The following HMGB1 variants were observed in gnomAD, a reference collection of about 807,000 sequenced individuals.
HMGB1 encodes the protein high mobility group box 1, also known as high mobility group protein B1.
For missense variants in HMGB1, 79 were observed against 253.5 expected, an observed-to-expected ratio of 0.31 and a Z score of 4.67; for synonymous variants, 81 against 84.0, an observed-to-expected ratio of 0.96 and a Z score of 0.19.
At chr13:30,585,966 C>T (rs1871125618) in intron 1 of HMGB1, among the ~76,000 whole-genome samples, 1 of 152,190 alleles carries the variant, frequency 6.6e-6, no homozygotes, top group South Asian at 2.1e-4. Context: ...TCCAATCTGG[C>T]ATCGGTTCTC....
chr13:30,525,784 G>A (rs1412599847), intron 1 of HMGB1, among the ~76,000 whole-genome samples: 1 of 150,428 alleles, frequency 6.6e-6, no homozygotes, highest in East Asian at 2.0e-4. Context: ...TGGGGAAATG[G>A]CCCCTGTGAT....
At chr13:30,556,809 GAAAT>G (rs1406613831) in intron 1 of HMGB1, among the ~76,000 whole-genome samples, 5 of 152,190 alleles carry the variant, frequency 3.3e-5, no homozygotes, top group Admixed American at 6.5e-5. Flanking sequence ...CGAGATAAGA[GAAAT>G]AAGTTCTAGT....
intron 1 of HMGB1, among the ~76,000 whole-genome samples, chr13:30,532,323 AG>A (rs1183180864): frequency 2.3e-5 from 3 of 130,406 alleles, no homozygotes; most frequent in African/African-American, 9.2e-5. Flanking sequence ...CGACAGAGCA[AG>A]ACTCTGTCTC....
At chr13:30,556,437 T>C (rs1354036536) in intron 1 of HMGB1, among the ~76,000 whole-genome samples, 3 of 152,134 alleles carry the variant, frequency 2.0e-5, no homozygotes, top group South Asian at 2.1e-4. Flanking sequence ...ATTGATAGTA[T>C]AACGAAGAGA....
intron 1 of HMGB1, among the ~76,000 whole-genome samples, chr13:30,609,695 G>A (rs1950495912): frequency 6.6e-6 from 1 of 152,162 alleles, no homozygotes; most frequent in Non-Finnish European, 1.5e-5. Flanking sequence ...ACTGTCACCT[G>A]AGCAGTGTAC....
At chr13:30,520,109 C>A (rs1419790863) in intron 1 of HMGB1, among the ~76,000 whole-genome samples, 3 of 152,064 alleles carry the variant, frequency 2.0e-5, no homozygotes, top group African/African-American at 7.2e-5. Context: ...ATCACTGGAG[C>A]TCAGGAGTTC....
intron 1 of HMGB1, among the ~76,000 whole-genome samples, chr13:30,512,462 G>A (rs1351786650): frequency 1.3e-5 from 2 of 152,182 alleles, no homozygotes; most frequent in Admixed American, 6.5e-5. Flanking sequence ...GCTCTGATGC[G>A]TGAACACTGA....
rs145677823 is a variant in HMGB1, at chr13:30,506,466, C to G, written c.-14-42772G>C. On this transcript the variant is annotated intron_variant, in intron 1 of 4. Coordinates refer to the HMGB1 transcript ENST00000405805. The stretch of plus-strand genomic sequence containing the variant: ...TTATTGAACCCTTCTCTATCACTGA[C>G]CCCTCTGTACCCCAGCCTGTAGTCC... 6.0e-3 allele frequency among the ~76,000 whole-genome samples: 910 copies of G among 152,284 alleles called. 11 individuals carry two copies. The highest frequency in any genetic ancestry group is 0.021 in the African/African-American group (864 of 41,544).
intron 1 of HMGB1, among the ~76,000 whole-genome samples, chr13:30,608,683 A>T (rs1231631356): frequency 1.3e-5 from 2 of 152,198 alleles, no homozygotes; most frequent in African/African-American, 4.8e-5. Context: ...TAGTGGGACA[A>T]GCTCTATTCT....
intron 1 of HMGB1, among the ~76,000 whole-genome samples, chr13:30,545,876 G>GT (rs1869134323): frequency 6.6e-6 from 1 of 151,758 alleles, no homozygotes; most frequent in Non-Finnish European, 1.5e-5. Context: ...AAATTTTTGT[G>GT]TTTTTTATAG....
intron 1 of HMGB1, among the ~76,000 whole-genome samples, chr13:30,563,266 C>T (rs1354708459): frequency 6.6e-6 from 1 of 152,098 alleles, no homozygotes; most frequent in Non-Finnish European, 1.5e-5. Flanking sequence ...CAGAGTGTTC[C>T]CTATATTGCC....
chr13:30,616,133 C>G (rs1375691619), intron 1 of HMGB1, among the ~76,000 whole-genome samples: 3 of 152,204 alleles, frequency 2.0e-5, no homozygotes, highest in African/African-American at 4.8e-5. Context: ...CTCTGCTGAT[C>G]TCCTGTACCA....
chr13:30,508,579 C>A (rs957057945), intron 1 of HMGB1, among the ~76,000 whole-genome samples: 5 of 152,082 alleles, frequency 3.3e-5, no homozygotes, highest in African/African-American at 1.2e-4. Context: ...TCCTTGGTCA[C>A]CTGTTTGATC....
chr13:30,578,623 C>T (rs141706336), intron 1 of HMGB1, among the ~76,000 whole-genome samples: 13 of 152,238 alleles, frequency 8.5e-5, no homozygotes, highest in African/African-American at 3.1e-4. Flanking sequence ...TCCTAAAGCA[C>T]ATATATCCTA....
chr13:30,497,199 A>G (rs550694280), intron 1 of HMGB1, among the ~76,000 whole-genome samples: 2 of 152,196 alleles, frequency 1.3e-5, no homozygotes, highest in African/African-American at 4.8e-5. Context: ...CTCTTCACTC[A>G]CACTGAACAC....
intron 1 of HMGB1, among the ~76,000 whole-genome samples, chr13:30,478,738 C>T (rs1887156281): frequency 6.6e-6 from 1 of 152,170 alleles, no homozygotes; most frequent in South Asian, 2.1e-4. Context: ...ACAATCATAG[C>T]TCACTGCAGC....
rs185999639 is a variant in HMGB1 at position 30,484,598 on chromosome 13, A to C, written c.-14-20904T>G. Among the ~76,000 whole-genome samples the C allele has an allele frequency of 3.1e-3, 469 of 152,278 alleles. 5 individuals are homozygous for C. Among genetic ancestry groups the C allele is most frequent in the African/African-American group, 0.01 (434 of 41,544 alleles). ...CATTAAGAAAAAATGGGCCAGGCGCAGTGGTTCACGCCTGTAATCCCAGCA... is the reference window on the plus strand; with the variant it reads ...CATTAAGAAAAAATGGGCCAGGCGCCGTGGTTCACGCCTGTAATCCCAGCA... On this transcript the variant is annotated intron_variant, in intron 1 of 4. Transcript: ENST00000405805.
chr13:30,506,325 G>A (rs551482842), intron 1 of HMGB1, among the ~76,000 whole-genome samples: 1 of 152,306 alleles, frequency 6.6e-6, no homozygotes, highest in African/African-American at 2.4e-5. Context: ...CTCAGTTGTG[G>A]AGAGGGCTAC....
intron 1 of HMGB1, among the ~76,000 whole-genome samples, chr13:30,591,016 G>C (rs898090624): frequency 6.6e-6 from 1 of 150,782 alleles, no homozygotes; most frequent in Non-Finnish European, 1.5e-5. Context: ...GGTTAGAAAA[G>C]GAGGCAGGGC....
Sources: allele counts gnomAD v4.1 joint callset (sites outside exome capture counted in the v4.1 genomes callset), GRCh38; gene constraint gnomAD v4.1.1; transcripts MANE v1.5; gene names NCBI Gene and HGNC (gene_info 2026-07-23, HGNC 2026-07-21).